ANO8: variants seen among roughly 807,000 people sequenced by gnomAD.
The protein encoded by ANO8 is anoctamin-8.
ANO8 carries 67 observed loss-of-function variants against 120.4 expected under a neutral mutation model. The observed-to-expected ratio is 0.56, with a 90% CI of 0.46 to 0.68. ANO8 has a LOEUF of 0.68. Ranked by LOEUF, ANO8 falls within the 30% of genes least tolerant of loss-of-function variation. The pLI, the probability that ANO8 is intolerant of heterozygous loss-of-function variation, is 0.00. For synonymous variants in ANO8, 727 were observed against 759.2 expected (o/e 0.96, Z 0.70); for missense variants, 1,526 against 1,737.6 (o/e 0.88, Z 2.16).
In ANO8 at chr19:17,330,493, A is replaced by G. The variant is rs1255693739; in HGVS notation, c.1005T>C (p.Arg335=). Residue 335 remains arginine (R), a synonymous_variant, in exon 9 of 18, where the codon CGT becomes CGC. Coordinates refer to ENST00000159087, the MANE Select transcript of ANO8 (RefSeq NM_020959.3). ...CCTCGGCCCGCGTGATGGGGCTGATACGTCGCACGCCCTGATGGTGGGCAA... is the reference window on the plus strand; with the variant it reads ...CCTCGGCCCGCGTGATGGGGCTGATGCGTCGCACGCCCTGATGGTGGGCAA... ...EPRPQFRGVR[R]ISPITRAEEF... is the part of the protein sequence containing the mutation. 6.5e-7 allele frequency: 1 copy of G among 1,532,226 alleles called. No individual in the cohort carries two copies. The highest frequency in any genetic ancestry group is 8.8e-7 in the Non-Finnish European group (1 of 1,136,770). The allele number at this position is 1,532,226 out of a possible 1,614,324, so 94.9% of individuals were successfully genotyped here.
Position 17,324,737 on chromosome 19 carries a change from C to A in ANO8, c.3311G>T (p.Arg1104Leu), listed in dbSNP as rs761178558. The A allele has an allele frequency of 2.6e-6, 4 of 1,528,102 alleles. No individual in the cohort carries two copies. In the South Asian group the frequency reaches 3.9e-5, roughly 15 times the overall value. The allele number at this position is 1,528,102 out of a possible 1,614,324, so 94.7% of individuals were successfully genotyped here. A position where few individuals can be genotyped will look rare whatever the true frequency, so the allele number is the denominator to read the frequency against. ...EALAEELEAP[R>L]PEEEGSGTAL... Reference sequence around the variant, plus strand: ...GTGACCTGAGCCTTCCTCTTCGGGCCGGGGGGCTTCCAGCTCCTCAGCCAG... The same window carrying A: ...GTGACCTGAGCCTTCCTCTTCGGGCAGGGGGGCTTCCAGCTCCTCAGCCAG... Residue 1104 changes from arginine (R) to leucine (L), a missense_variant, in exon 17 of 18, where the codon CGG becomes CTG. Coordinates refer to ENST00000159087, the MANE Select transcript of ANO8 (RefSeq NM_020959.3).
rs1392575520 is a variant in ANO8, at chr19:17,325,141, C to G, written c.2907G>C (p.Leu969=). The G allele has an allele frequency of 6.2e-7, 1 of 1,613,512 alleles. No homozygotes were observed. Among genetic ancestry groups the G allele is most frequent in the Non-Finnish European group, 8.5e-7 (1 of 1,179,950 alleles). ...GPERPKRPGS[L]LAPNNVMKLK... The stretch of plus-strand genomic sequence containing the variant: ...ACTTCATGACGTTGTTGGGTGCCAG[C>G]AGGGACCCTGGGCGCTTGGGCCGTT... The change falls in exon 17 of 18, where the codon CTG becomes CTC. Residue 969 remains leucine, a synonymous_variant. Coordinates refer to ENST00000159087, the MANE Select transcript of ANO8 (RefSeq NM_020959.3).
chr19:17,328,132 G>GCCCCCTGCGAGGCCCCC, intron 13 of ANO8, 30 bp downstream of exon 13: 86 of 1,231,380 alleles, frequency 7.0e-5, no homozygotes, highest in Non-Finnish European at 9.0e-5. Context: ...GCGAGGCCCC[G>GCCCCCTGCGAGGCCCCC]CCCCCTGCGA....
chr19:17,331,031 T>C, intron 7 of ANO8, 42 bp from the exon 8 acceptor site: 1 of 1,613,690 alleles, frequency 6.2e-7, no homozygotes, highest in African/African-American at 1.3e-5. Flanking sequence ...TTTGTGCCAG[T>C]CCAGAAAGGA....
In ANO8 at chr19:17,323,311, C is replaced by CTGTGTG. The variant is rs58263758; in HGVS notation, c.*200_*205dup. On this transcript the variant is annotated 3_prime_UTR_variant, in exon 18 of 18. Transcript: ENST00000159087. ...AAAAACAAATAAATAATCGCCTGTT[C>CTGTGTG]TGTGTGTGTGTGTGTGTGTGTGTGT... 51,731 of 324,326 alleles carry CTGTGTG rather than the reference C, an allele frequency of 0.16. 2,564 individuals are homozygous for CTGTGTG. Among genetic ancestry groups the CTGTGTG allele is most frequent in the South Asian group, 0.27 (1,733 of 6,466 alleles). 20.1% of individuals were successfully genotyped at this position (324,326 alleles called of 1,614,324 possible).
Position 17,327,340 on chromosome 19 carries a change from G to A in ANO8, c.2556C>T (p.Phe852=), listed in dbSNP as rs1212754907. The A allele has an allele frequency of 7.7e-6, 12 of 1,550,374 alleles. No individual in the cohort carries two copies. The highest frequency in any genetic ancestry group is 1.0e-5 in the Non-Finnish European group (12 of 1,146,548). Residue 852 remains phenylalanine (F), a synonymous_variant, in exon 16 of 18, where the codon TTC becomes TTT. Transcript: ENST00000159087. ...AIVSVVVLEH[F]ALLLKYLIHV... is the part of the protein sequence containing the mutation. Reference sequence around the variant, plus strand: ...GGATGAGGTACTTGAGGAGCAGAGCGAAGTGCTGCAGGGGTGGCAGAGAGG... The same window carrying A: ...GGATGAGGTACTTGAGGAGCAGAGCAAAGTGCTGCAGGGGTGGCAGAGAGG...
At position 17,323,385 on chromosome 19, in the gene ANO8, A is replaced by G. The variant is rs904304120; in HGVS notation, c.*132T>C. 3 of 840,146 alleles carry G rather than the reference A, an allele frequency of 3.6e-6. No individual in the cohort carries two copies. The highest frequency in any genetic ancestry group is 4.9e-6 in the Non-Finnish European group (3 of 613,772). The allele number at this position is 840,146 out of a possible 1,614,324, so 52.0% of individuals were successfully genotyped here. On this transcript the variant is annotated 3_prime_UTR_variant, in exon 18 of 18. Coordinates refer to ENST00000159087, the MANE Select transcript of ANO8 (RefSeq NM_020959.3). ...TGGGTTTCCTTTCGTTTGGAAAGGA[A>G]AACGGCAGATGGGGGGCACCGACCA...
In ANO8 at chr19:17,328,907, C is replaced by A. The variant is rs1473460321; in HGVS notation, c.1481G>T (p.Arg494Leu). The change falls in exon 13 of 18, where the codon CGC becomes CTC. Residue 494 changes from arginine to leucine, a missense_variant. Coordinates refer to ENST00000159087, the MANE Select transcript of ANO8 (RefSeq NM_020959.3). ...CAGGCCCAGCTCGCCGCGGCCCAGGCGCCGGTACAGGTGCGGCTGCAGGAC... is the reference window on the plus strand; with the variant it reads ...CAGGCCCAGCTCGCCGCGGCCCAGGAGCCGGTACAGGTGCGGCTGCAGGAC... ...REVLQPHLYRRLGRGELGLRA... is the reference protein window; with the variant it reads ...REVLQPHLYRLLGRGELGLRA... 9 of 1,508,326 alleles carry A rather than the reference C, an allele frequency of 6.0e-6. No homozygotes were observed. The highest frequency in any genetic ancestry group is 8.0e-6 in the Non-Finnish European group (9 of 1,131,752). 93.4% of individuals were successfully genotyped at this position (1,508,326 alleles called of 1,614,324 possible).
Position 17,328,825 on chromosome 19 carries a change from A to T in ANO8, c.1563T>A (p.Pro521=). 7.0e-7 allele frequency: 1 copy of T among 1,431,878 alleles called. No individual in the cohort carries two copies. Among genetic ancestry groups the T allele is most frequent in the Non-Finnish European group, 9.1e-7 (1 of 1,097,136 alleles). 88.7% of individuals were successfully genotyped at this position (1,431,878 alleles called of 1,614,324 possible). ...ALLGLLSLRR[P]APRRLEPQAD... ...CCTGGGGTTCGAGGCGGCGGGGCGC[A>T]GGGCGCCGGAGGCTCAGGAGGCCAA... The change falls in exon 13 of 18, where the codon CCT becomes CCA. Residue 521 remains proline, a synonymous_variant. Transcript: ENST00000159087.
At position 17,328,739 on chromosome 19, in the gene ANO8, C is replaced by T. The variant is rs1347996550; in HGVS notation, c.1649G>A (p.Cys550Tyr). ...CTCCTCCTCCTCCTCCGGCGCCCCG[C>T]AGCCCCCGCTGAGGCACCTGCGGCC... ...GGGRRCLSGGCGAPEEEEEAA... is the reference protein window; with the variant it reads ...GGGRRCLSGGYGAPEEEEEAA... Residue 550 changes from cysteine (C) to tyrosine (Y), a missense_variant, in exon 13 of 18, where the codon TGC (cysteine) becomes TAC (tyrosine). By Grantham distance (194) the Cys-to-Tyr change is radical. Transcript: ENST00000159087. The T allele has an allele frequency of 1.5e-6, 2 of 1,357,548 alleles. No individual in the cohort carries two copies. The highest frequency in any genetic ancestry group is 1.9e-6 in the Non-Finnish European group (2 of 1,058,268). 84.1% of individuals were successfully genotyped at this position (1,357,548 alleles called of 1,614,324 possible).
chr19:17,323,531 T>C lies in ANO8; in HGVS notation c.3685A>G (p.Ser1229Gly), dbSNP rs781546048. The change falls in exon 18 of 18, where the codon AGC (serine) becomes GGC (glycine). Residue 1229 changes from serine (S) to glycine (G), a missense_variant. Ser to Gly is a moderately conservative substitution (Grantham distance 56). Coordinates refer to ENST00000159087, the MANE Select transcript of ANO8 (RefSeq NM_020959.3). The part of the protein sequence containing the change: ...SPSPQAVCWP[S>G]GWH ...GGCGGGTAGAGCTAATGCCAGCCGC[T>C]GGGCCAGCACACGGCCTGGGGGCTG... 27 of 1,260,934 alleles carry C rather than the reference T, an allele frequency of 2.1e-5. No individual in the cohort carries two copies. Among genetic ancestry groups the C allele is most frequent in the Middle Eastern group, 3.1e-4 (1 of 3,242 alleles). 78.1% of individuals were successfully genotyped at this position (1,260,934 alleles called of 1,614,324 possible).
rs866140373 is a variant in ANO8 at position 17,330,494 on chromosome 19, C to A, written c.1004G>T (p.Arg335Leu). Residue 335 changes from arginine (R) to leucine (L), a missense_variant, in exon 9 of 18, where the codon CGT becomes CTT. Arg to Leu is a moderately radical substitution (Grantham distance 102). Transcript: ENST00000159087. ...EPRPQFRGVR[R>L]ISPITRAEEF... ...CTCGGCCCGCGTGATGGGGCTGATA[C>A]GTCGCACGCCCTGATGGTGGGCAAA... is the stretch of plus-strand genomic sequence containing the variant. 1 of 1,528,880 alleles carries A rather than the reference C, an allele frequency of 6.5e-7. No individual in the cohort carries two copies. Among genetic ancestry groups the A allele is most frequent in the Non-Finnish European group, 8.8e-7 (1 of 1,134,938 alleles). 94.7% of individuals were successfully genotyped at this position (1,528,880 alleles called of 1,614,324 possible). A position where few individuals can be genotyped will look rare whatever the true frequency, so the allele number is the denominator to read the frequency against.
At chr19:17,327,140 G>T in intron 16 of ANO8, 95 bp downstream of exon 16, 2 of 1,065,276 alleles carry the variant, frequency 1.9e-6, no homozygotes, top group Non-Finnish European at 1.3e-6. Context: ...TGCAGTCTCT[G>T]CATTTGCCCT....
chr19:17,324,753 C>T lies in ANO8; in HGVS notation c.3295G>A (p.Glu1099Lys), dbSNP rs779900024. The stretch of plus-strand genomic sequence containing the variant: ...TCTTCGGGCCGGGGGGCTTCCAGCT[C>T]CTCAGCCAGGGCCTCGTCCACCGGC... The part of the protein sequence containing the change: ...SGPVDEALAE[E>K]LEAPRPEEEG... The change falls in exon 17 of 18, where the codon GAG becomes AAG. Residue 1099 changes from glutamate to lysine, a missense_variant. By Grantham distance (56) the Glu-to-Lys change is moderately conservative. Coordinates refer to ENST00000159087, the MANE Select transcript of ANO8 (RefSeq NM_020959.3). 6 of 1,535,024 alleles carry T rather than the reference C, an allele frequency of 3.9e-6. No homozygotes were observed. The Admixed American group carries it at 8.5e-5, about 22-fold the overall frequency.
In ANO8 at chr19:17,328,818, G is replaced by A. The variant is rs1222914263; in HGVS notation, c.1570C>T (p.Arg524Cys). 3 of 1,415,872 alleles carry A rather than the reference G, an allele frequency of 2.1e-6. No homozygotes were observed. The highest frequency in any genetic ancestry group is 3.1e-5 in the East Asian group (1 of 32,764). 87.7% of individuals were successfully genotyped at this position (1,415,872 alleles called of 1,614,324 possible). A position where few individuals can be genotyped will look rare whatever the true frequency, so the allele number is the denominator to read the frequency against. Residue 524 changes from arginine (R) to cysteine (C), a missense_variant, in exon 13 of 18, where the codon CGC (arginine) becomes TGC (cysteine). Physicochemically the swap from Arg to Cys is radical, Grantham distance 180 (BLOSUM62 -3). Coordinates refer to ENST00000159087, the MANE Select transcript of ANO8 (RefSeq NM_020959.3). ...TCATCCGCCTGGGGTTCGAGGCGGC[G>A]GGGCGCAGGGCGCCGGAGGCTCAGG... ...GLLSLRRPAP[R>C]RLEPQADEGG... is the part of the protein sequence containing the mutation.
At position 17,323,749 on chromosome 19, in the gene ANO8, C is replaced by T. The variant is rs2074254108; in HGVS notation, c.3467G>A (p.Gly1156Asp). The T allele has an allele frequency of 8.3e-7, 1 of 1,197,906 alleles. No homozygotes were observed. Among genetic ancestry groups the T allele is most frequent in the Non-Finnish European group, 1.0e-6 (1 of 965,684 alleles). 74.2% of individuals were successfully genotyped at this position (1,197,906 alleles called of 1,614,324 possible). The change falls in exon 18 of 18, where the codon GGC (glycine) becomes GAC (aspartate). Residue 1156 changes from glycine to aspartate, a missense_variant. By Grantham distance (94) the Gly-to-Asp change is moderately conservative. This residue lies in a region of ANO8 where 489 missense variants were observed against 548.6 expected (regional missense o/e 0.89). Transcript: ENST00000159087. ...AGCWQWDGPW[G>D]CGGEGAAPRQ... ...GGGGGCGGCACCCTCGCCCCCGCAGCCCCAGGGCCCGTCCCACTGCCAGCA... is the reference window on the plus strand; with the variant it reads ...GGGGGCGGCACCCTCGCCCCCGCAGTCCCAGGGCCCGTCCCACTGCCAGCA...
At chr19:17,327,615 C>T (rs2074281376) in intron 14 of ANO8, 46 bp from the exon 15 acceptor site, 4 of 1,610,080 alleles carry the variant, frequency 2.5e-6, no homozygotes, top group African/African-American at 2.7e-5. Context: ...CCGGCCTCCC[C>T]AGACCCCAGG....
chr19:17,330,637 G>A (rs1056408756), intron 8 of ANO8, 133 bp from the exon 9 acceptor site: 2 of 1,391,912 alleles, frequency 1.4e-6, no homozygotes, highest in Non-Finnish European at 1.9e-6. Flanking sequence ...CCCACCTAGG[G>A]CACTGTTCCC....
chr19:17,328,304 G>C lies in ANO8; in HGVS notation c.2084C>G (p.Pro695Arg). Residue 695 changes from proline to arginine, a missense_variant, in exon 13 of 18, where the codon CCG becomes CGG. Pro to Arg is a moderately radical substitution (Grantham distance 103). Transcript: ENST00000159087. ...GCTGTTGGAGCCGGGTTCCGGGTCCGGGCCCCCGTCGGGCCCCTGGTCTCG... is the reference window on the plus strand; with the variant it reads ...GCTGTTGGAGCCGGGTTCCGGGTCCCGGCCCCCGTCGGGCCCCTGGTCTCG... ...EGRDQGPDGG[P>R]DPEPGSNSDS... 1 of 1,601,668 alleles carries C rather than the reference G, an allele frequency of 6.2e-7. No individual in the cohort carries two copies. The highest frequency in any genetic ancestry group is 8.5e-7 in the Non-Finnish European group (1 of 1,175,756).
Sources: allele counts gnomAD v4.1 joint callset, GRCh38; gene constraint gnomAD v4.1.1; regional missense constraint gnomAD v4.1.1; transcripts MANE v1.5; gene names NCBI Gene and HGNC (gene_info 2026-07-23, HGNC 2026-07-21).